The following CCNJL variants were observed in gnomAD, a reference collection of about 807,000 sequenced individuals.
CCNJL encodes cyclin J like, also known as cyclin-J-like protein.
A neutral mutation model predicts 33.4 loss-of-function variants in CCNJL; 33 were observed. The ratio of observed to expected loss-of-function variants is 0.99; its 90% confidence interval spans 0.75 to 1.32. CCNJL has a LOEUF of 1.32. Among genes scored for constraint, CCNJL ranks in the 40% most tolerant of loss-of-function variants. The pLI is 0.00. For synonymous variants in CCNJL, 227 were observed against 220.9 expected, an observed-to-expected ratio of 1.03 and a Z score of -0.24; for missense variants, 512 against 499.7, an observed-to-expected ratio of 1.02 and a Z score of -0.23.
Position 160,255,913 on chromosome 5 carries a change from G to A in CCNJL, c.584-205C>T, listed in dbSNP as rs868723273. 4.3e-4 allele frequency among the ~76,000 whole-genome samples: 65 copies of A among 152,248 alleles called. No homozygotes were observed. The Middle Eastern group carries it at 0.02, about 48-fold the overall frequency. ...CTGGGATTTATTTTTTGTTGAGACAGGGTCTCGCTCTGTTGCCCAGGCTGG... is the reference window on the plus strand; with the variant it reads ...CTGGGATTTATTTTTTGTTGAGACAAGGTCTCGCTCTGTTGCCCAGGCTGG... On this transcript the variant is annotated intron_variant, in intron 4 of 5. Transcript: ENST00000257536.
At chr5:160,281,756 TC>T (rs1762223108) in intron 2 of CCNJL, among the ~76,000 whole-genome samples, 1 of 152,140 alleles carries the variant, frequency 6.6e-6, no homozygotes, top group South Asian at 2.1e-4. Context: ...GCTCAAGCAA[TC>T]CTCCCACCTT....
upstream of CCNJL, chr5:160,315,467 A>G (rs1451725093): frequency 2.2e-6 from 1 of 447,328 alleles, no homozygotes; most frequent in South Asian, 1.6e-5. Context: ...TGATTGTGCC[A>G]CTGCACTCCA....
At chr5:160,302,314 T>G (rs1194603878) in intron 2 of CCNJL, among the ~76,000 whole-genome samples, 1 of 152,134 alleles carries the variant, frequency 6.6e-6, no homozygotes, top group Non-Finnish European at 1.5e-5. Flanking sequence ...TATGAAACTG[T>G]GATATACTTG....
chr5:160,310,755 C>G (rs1763235495), intron 2 of CCNJL, among the ~76,000 whole-genome samples: 1 of 152,120 alleles, frequency 6.6e-6, no homozygotes, highest in Non-Finnish European at 1.5e-5. Context: ...GAAGAGAAAA[C>G]AGACAGACAG....
chr5:160,331,487 G>A (rs1182920876), intron 1 of CCNJL, among the ~76,000 whole-genome samples: 1 of 152,056 alleles, frequency 6.6e-6, no homozygotes, highest in African/African-American at 2.4e-5. Context: ...GCCTCCCAAA[G>A]TCCTGGGATT....
At chr5:160,302,289 G>A (rs573780125) in intron 2 of CCNJL, among the ~76,000 whole-genome samples, 29 of 152,228 alleles carry the variant, frequency 1.9e-4, no homozygotes, top group African/African-American at 6.0e-4. Context: ...AGCACGTGCA[G>A]TTAAGGAAAA....
At chr5:160,280,469 G>T in intron 3 of CCNJL, 56 bp downstream of exon 3, 2 of 1,346,410 alleles carry the variant, frequency 1.5e-6, no homozygotes, top group Non-Finnish European at 2.1e-6. Flanking sequence ...GCAGCCAGGC[G>T]CACTGAGCGG....
intron 2 of CCNJL, chr5:160,294,957 T>A (rs1762705697): frequency 6.6e-6 from 1 of 152,332 alleles, no homozygotes; most frequent in Non-Finnish European, 1.5e-5. Flanking sequence ...TCCTGGGAGC[T>A]TCGACCCTAA....
chr5:160,320,979 T>TCCCTCC (rs1561812647), intron 1 of CCNJL, among the ~76,000 whole-genome samples: 7 of 114,066 alleles, frequency 6.1e-5, no homozygotes, highest in African/African-American at 2.6e-4. Context: ...TCTCCCTCCC[T>TCCCTCC]CTCTCTCTTT....
At chr5:160,275,090 T>G (rs1561784890) in intron 3 of CCNJL, among the ~76,000 whole-genome samples, 3 of 151,630 alleles carry the variant, frequency 2.0e-5, no homozygotes, top group Admixed American at 6.6e-5. Context: ...TGTGTGTTTT[T>G]TTTTTTTTTT....
chr5:160,334,929 G>T (rs1763664516), intron 1 of CCNJL, among the ~76,000 whole-genome samples: 1 of 152,204 alleles, frequency 6.6e-6, no homozygotes, highest in Admixed American at 6.5e-5. Flanking sequence ...TCACACTGTT[G>T]TGCAACCATC....
At chr5:160,310,004 C>G (rs2113454998) in intron 2 of CCNJL, among the ~76,000 whole-genome samples, 1 of 152,300 alleles carries the variant, frequency 6.6e-6, no homozygotes, top group African/African-American at 2.4e-5. Context: ...TTTAGGACAT[C>G]CTCCCTTATG....
intron 1 of CCNJL, among the ~76,000 whole-genome samples, chr5:160,331,862 G>A (rs1257587209): frequency 6.6e-6 from 1 of 152,122 alleles, no homozygotes; most frequent in Non-Finnish European, 1.5e-5. Context: ...TCTCAAGGAT[G>A]GTCCCTGAAC....
intron 3 of CCNJL, among the ~76,000 whole-genome samples, chr5:160,278,989 G>A (rs1040492263): frequency 7.9e-5 from 12 of 152,202 alleles, no homozygotes; most frequent in African/African-American, 2.9e-4. Context: ...CAAAGGTAGA[G>A]AAAAATCACC....
intron 3 of CCNJL, 94 bp from the exon 4 acceptor site, chr5:160,259,865 G>T: frequency 9.6e-7 from 1 of 1,043,632 alleles, no homozygotes. Context: ...GACATTGCTG[G>T]CAAAGAAGAC....
At chr5:160,288,236 C>T (rs181763712) in intron 2 of CCNJL, among the ~76,000 whole-genome samples, 3 of 151,182 alleles carry the variant, frequency 2.0e-5, no homozygotes, top group African/African-American at 7.4e-5. Context: ...TGCATTTTCA[C>T]GATCATGCTT....
rs1761027236 is a variant in CCNJL, at chr5:160,255,628, G to C, written c.664C>G (p.Pro222Ala). The C allele has an allele frequency of 1.9e-6, 3 of 1,613,960 alleles. No individual in the cohort carries two copies. The South Asian group carries it at 3.3e-5, about 18-fold the overall frequency. ...GASRICLQLSPYWTRDLQRIS... is the reference protein window; with the variant it reads ...GASRICLQLSAYWTRDLQRIS... ...CTCTGCAGGTCTCTGGTCCAGTAGG[G>C]AGAAAGCTGCAGGCAAATCCTGGAG... Residue 222 changes from proline to alanine, a missense_variant, in exon 5 of 6, where the codon CCC (proline) becomes GCC (alanine). Physicochemically the swap from Pro to Ala is conservative, Grantham distance 27. Coordinates refer to ENST00000257536, the MANE Select transcript of CCNJL (RefSeq NM_001308173.3).
At chr5:160,314,124 G>A (rs2113466374), upstream of CCNJL, among the ~76,000 whole-genome samples, 1 of 152,332 alleles carries the variant, frequency 6.6e-6, no homozygotes, top group African/African-American at 2.4e-5. Flanking sequence ...AGCCGAGATC[G>A]TGCCACTGCA....
chr5:160,296,482 C>T (rs576005737), intron 2 of CCNJL, among the ~76,000 whole-genome samples: 4 of 152,342 alleles, frequency 2.6e-5, no homozygotes, highest in African/African-American at 9.6e-5. Context: ...GTCAAATATC[C>T]TCACTTCCTC....
Sources: allele counts gnomAD v4.1 joint callset (sites outside exome capture counted in the v4.1 genomes callset), GRCh38; gene constraint gnomAD v4.1.1; transcripts MANE v1.5; gene names NCBI Gene and HGNC (gene_info 2026-07-23, HGNC 2026-07-21).